The following IFT81 variants were observed in gnomAD, a reference collection of about 807,000 sequenced individuals.
IFT81 encodes intraflagellar transport protein 81 homolog.
IFT81 carries 72 observed loss-of-function variants against 102.6 expected under a neutral mutation model. The ratio of observed to expected loss-of-function variants is 0.70; its 90% CI spans 0.58 to 0.85. IFT81 has a LOEUF of 0.85. Among genes scored for constraint, IFT81 ranks in the 40% least tolerant of loss-of-function variants. The pLI, the probability that IFT81 is intolerant of heterozygous loss-of-function variation, is 0.00. For synonymous variants in IFT81, 237 were observed against 242.7 expected (o/e 0.98, Z 0.22); for missense variants, 723 against 787.3 (o/e 0.92, Z 0.98).
At chr12:110,127,624 T>G in intron 2 of IFT81, 100 bp downstream of exon 2, 1 of 1,059,124 alleles carries the variant, frequency 9.4e-7, no homozygotes. Context: ...CTCTGAGCTT[T>G]ATTTTCCATG....
chr12:110,196,713 C>T lies in IFT81; in HGVS notation c.1557+4007C>T, dbSNP rs76043229. On this transcript the variant is annotated intron_variant, in intron 14 of 18. Coordinates refer to ENST00000242591, the MANE Select transcript of IFT81 (RefSeq NM_014055.4). ...AAAAGAAAGAAGGAAAAAAACTTCC[C>T]GTTGAATTTTATGTTCTGTCTTTAT... is the stretch of plus-strand genomic sequence containing the variant. Among the ~76,000 whole-genome samples, 1,065 of 152,138 alleles carry T rather than the reference C, an allele frequency of 7.0e-3. 1 individual carries two copies. The highest frequency in any genetic ancestry group is 9.5e-3 in the Non-Finnish European group (643 of 67,992).
At chr12:110,142,390 A>T (rs1286993077) in intron 8 of IFT81, among the ~76,000 whole-genome samples, 3 of 151,636 alleles carry the variant, frequency 2.0e-5, no homozygotes, top group Admixed American at 6.6e-5. Flanking sequence ...CTGCTCTCGA[A>T]CTCTAGACCT....
At chr12:110,134,819 G>C (rs909153229) in intron 5 of IFT81, 129 bp from the exon 6 acceptor site, 2 of 669,420 alleles carry the variant, frequency 3.0e-6, no homozygotes, top group Non-Finnish European at 5.0e-6. Context: ...ATCCAAAAGA[G>C]GATCTTGGTT....
At chr12:110,179,724 TTATATATATATATATATATATATA>T (rs751481208) in intron 11 of IFT81, among the ~76,000 whole-genome samples, 7,253 of 48,742 alleles carry the variant, frequency 0.15, 538 homozygotes, top group Middle Eastern at 0.27. Context: ...TATCTCGAAA[TTATATATATATATATATATATATA>T]TATATATATA....
In IFT81 at chr12:110,216,173, G is replaced by GTTGTT. The variant is rs745322792; in HGVS notation, c.1849-1843_1849-1839dup. Among the ~76,000 whole-genome samples, 308 of 151,726 alleles carry GTTGTT rather than the reference G, an allele frequency of 2.0e-3. 1 individual carries two copies. The highest frequency in any genetic ancestry group is 4.3e-3 in the African/African-American group (178 of 41,354). Reference sequence around the variant, plus strand: ...TTCCCCTATTATTAGCCTTGGTTTGGTTGTTTTGTTTTGTTTTGTTTTGTT... The same window carrying GTTGTT: ...TTCCCCTATTATTAGCCTTGGTTTGGTTGTTTTGTTTTGTTTTGTTTTGTTTTGTT... On this transcript the variant is annotated intron_variant, in intron 18 of 18. Transcript: ENST00000242591.
intron 12 of IFT81, among the ~76,000 whole-genome samples, chr12:110,188,928 C>CAA (rs1286295336): frequency 3.0e-5 from 4 of 132,688 alleles, no homozygotes; most frequent in Non-Finnish European, 4.9e-5. Context: ...GACTCCGTCT[C>CAA]AAAAAAAAAA....
chr12:110,155,188 C>T (rs1182649572), intron 10 of IFT81, among the ~76,000 whole-genome samples: 2 of 152,160 alleles, frequency 1.3e-5, no homozygotes, highest in Non-Finnish European at 2.9e-5. Flanking sequence ...TATAGTCACT[C>T]TGTTGTCTTT....
rs975152437 is a variant in IFT81 at position 110,163,132 on chromosome 12, T to C, written c.1188+67T>C. Reference sequence around the variant, plus strand: ...TTTTATGTGAAACTATTAGTGTGTTTGACTTTCTTAGTGTGAATGTTAATA... The same window carrying C: ...TTTTATGTGAAACTATTAGTGTGTTCGACTTTCTTAGTGTGAATGTTAATA... On this transcript the variant is annotated intron_variant, in intron 11 of 18. Transcript: ENST00000242591. The C allele has an allele frequency of 3.7e-5, 49 of 1,306,992 alleles. No individual in the cohort carries two copies. The East Asian group carries it at 1.2e-3, about 31-fold the overall frequency. The allele number at this position is 1,306,992 out of a possible 1,614,324, so 81.0% of individuals were successfully genotyped here.
At chr12:110,192,736 A>C in intron 14 of IFT81, 30 bp downstream of exon 14, 1 of 1,209,322 alleles carries the variant, frequency 8.3e-7, no homozygotes. Context: ...AAGTAATTTG[A>C]TTTTATGATA....
intron 8 of IFT81, among the ~76,000 whole-genome samples, chr12:110,138,043 AGACC>A (rs1894619424): frequency 6.6e-6 from 1 of 152,242 alleles, no homozygotes; most frequent in Non-Finnish European, 1.5e-5. Context: ...GTCAGAAGAA[AGACC>A]ACGCAAACTG....
At chr12:110,201,270 C>T (rs995913120) in intron 14 of IFT81, among the ~76,000 whole-genome samples, 5 of 151,694 alleles carry the variant, frequency 3.3e-5, no homozygotes, top group African/African-American at 1.2e-4. Flanking sequence ...GTCATGGTGG[C>T]ACATGTCTGT....
At chr12:110,160,830 T>C (rs1221282410) in intron 10 of IFT81, among the ~76,000 whole-genome samples, 1 of 152,224 alleles carries the variant, frequency 6.6e-6, no homozygotes, top group Non-Finnish European at 1.5e-5. Context: ...TCTTTTGATC[T>C]TTTGGAAACA....
chr12:110,207,492 G>A lies in IFT81; in HGVS notation c.1803-1679G>A, dbSNP rs768446068. Among the ~76,000 whole-genome samples the A allele has an allele frequency of 1.5e-4, 22 of 150,642 alleles. No homozygotes were observed. In the East Asian group the frequency reaches 1.6e-3, roughly 11 times the overall value. On this transcript the variant is annotated intron_variant, in intron 17 of 18. Transcript: ENST00000242591. ...TTAATTTTTTCTTAAATACTGCAGC[G>A]TAGCTTCACACACAAAAACAGTCTC...
intron 11 of IFT81, among the ~76,000 whole-genome samples, chr12:110,173,083 T>A: frequency 7.1e-6 from 1 of 141,158 alleles, no homozygotes; most frequent in Non-Finnish European, 1.5e-5. Flanking sequence ...GGAGCCCCTC[T>A]GCCCGACCAG....
intron 8 of IFT81, among the ~76,000 whole-genome samples, chr12:110,140,969 C>T (rs538265761): frequency 5.9e-5 from 9 of 151,876 alleles, no homozygotes; most frequent in South Asian, 4.2e-4. Flanking sequence ...TCAGGTGATC[C>T]GCCCGCCTCA....
rs377358223 is a variant in IFT81, at chr12:110,207,808, C to T, written c.1803-1363C>T. On this transcript the variant is annotated intron_variant, in intron 17 of 18. Transcript: ENST00000242591. ...TCGATCTCCTGACCTCGTGAGCCAC[C>T]GCGCCCAGCCCCAGCCTTCAGTCTT... is the stretch of plus-strand genomic sequence containing the variant. Among the ~76,000 whole-genome samples, 67 of 152,042 alleles carry T rather than the reference C, an allele frequency of 4.4e-4. No homozygotes were observed. In the South Asian group the frequency reaches 0.013, roughly 29 times the overall value.
intron 5 of IFT81, among the ~76,000 whole-genome samples, chr12:110,134,462 C>T (rs574733029): frequency 1.5e-4 from 23 of 152,064 alleles, no homozygotes; most frequent in Admixed American, 9.8e-4. Context: ...TTTTCAGAGA[C>T]GGAATTGGTT....
intron 7 of IFT81, 118 bp downstream of exon 7, chr12:110,135,555 G>T: frequency 1.6e-6 from 1 of 610,792 alleles, no homozygotes; most frequent in South Asian, 2.0e-5. Context: ...CTAACATAAT[G>T]GAATACTCTT....
At chr12:110,193,266 T>C (rs1399431331) in intron 14 of IFT81, among the ~76,000 whole-genome samples, 2 of 152,194 alleles carry the variant, frequency 1.3e-5, no homozygotes, top group African/African-American at 4.8e-5. Context: ...AAAAGCAGTT[T>C]AAGCTGAAAT....
Sources: gnomAD v4.1 joint callset for allele counts (sites outside exome capture counted in the v4.1 genomes callset) on GRCh38, gnomAD v4.1.1 for gene constraint, MANE v1.5 for transcripts, NCBI Gene and HGNC (gene_info 2026-07-23, HGNC 2026-07-21) for gene names.